DIAPH2: variants seen among roughly 807,000 people sequenced by gnomAD.
DIAPH2 encodes the protein protein diaphanous homolog 2.
A neutral mutation model predicts 92.7 loss-of-function variants in DIAPH2; 35 were observed. The observed-to-expected ratio is 0.38, with a 90% CI of 0.29 to 0.50. The LOEUF (loss-of-function observed/expected upper bound fraction) is 0.50, where lower values mean the gene tolerates loss of function less well. Among genes scored for constraint, DIAPH2 ranks in the 20% least tolerant of loss-of-function variants. DIAPH2 has a pLI of 0.94. For missense variants in DIAPH2, 701 were observed against 819.5 expected (o/e 0.86, Z 1.77); for synonymous variants, 301 against 280.4 (o/e 1.07, Z -0.73).
At chrX:97,575,069 A>G (rs2071392785) in intron 26 of DIAPH2, among the ~76,000 whole-genome samples, 2 of 112,712 alleles carry the variant, frequency 1.8e-5, no homozygotes, top group Admixed American at 1.9e-4. Context: ...GGATTCTCGG[A>G]TGATTTATTG....
intron 1 of DIAPH2, among the ~76,000 whole-genome samples, chrX:96,720,065 C>T (rs1305979128): frequency 9.0e-6 from 1 of 111,613 alleles, no homozygotes; most frequent in Admixed American, 9.5e-5. Flanking sequence ...ATTGCTTACT[C>T]AATAATTATC....
intron 5 of DIAPH2, among the ~76,000 whole-genome samples, chrX:96,910,841 T>C (rs2057331186): frequency 9.0e-6 from 1 of 111,121 alleles, no homozygotes; most frequent in Non-Finnish European, 1.9e-5. Flanking sequence ...GCAAGAATCA[T>C]TATGATTATG....
At chrX:96,713,020 C>T (rs185765535) in intron 1 of DIAPH2, among the ~76,000 whole-genome samples, 1 of 110,887 alleles carries the variant, frequency 9.0e-6, no homozygotes, top group African/African-American at 3.3e-5. Flanking sequence ...ATTGGTCTGG[C>T]TATCTACTAT....
chrX:97,348,431 G>A (rs2069177915), intron 24 of DIAPH2, 151 bp downstream of exon 24: 2 of 485,375 alleles, frequency 4.1e-6, no homozygotes, highest in Non-Finnish European at 6.4e-6. Context: ...CCTGTGACAT[G>A]GATAAAAATT....
rs763023879 is a variant in DIAPH2, at chrX:96,714,224, G to GTATTGTT, written c.133-21529_133-21528insTTTATTG. On this transcript the variant is annotated intron_variant, in intron 1 of 26. Transcript: ENST00000324765. ...GCCATTATATGCATTCATGGCACATGTATTGCTTCTTTATAGCACGTATCA... is the reference window on the plus strand; with the variant it reads ...GCCATTATATGCATTCATGGCACATGTATTGTTTATTGCTTCTTTATAGCACGTATCA... Among the ~76,000 whole-genome samples the GTATTGTT allele has an allele frequency of 1.1e-4, 12 of 105,416 alleles. No homozygotes were observed. The South Asian group carries it at 1.3e-3, about 11-fold the overall frequency. The allele number at this position is 105,416 out of a possible 115,157, so 91.5% of individuals were successfully genotyped here. A position where few individuals can be genotyped will look rare whatever the true frequency, so the allele number is the denominator to read the frequency against.
chrX:97,561,423 T>A (rs767087804), intron 26 of DIAPH2, among the ~76,000 whole-genome samples: 1 of 112,476 alleles, frequency 8.9e-6, no homozygotes, highest in Non-Finnish European at 1.9e-5. Flanking sequence ...TTTTCAGTTG[T>A]TGGCTTTTCT....
chrX:96,966,175 A>C (rs1355544298), intron 17 of DIAPH2, among the ~76,000 whole-genome samples: 3 of 111,642 alleles, frequency 2.7e-5, no homozygotes, highest in Non-Finnish European at 5.7e-5. Context: ...GTTCATATGC[A>C]CACACAAATC....
At position 97,075,133 on chromosome X, in the gene DIAPH2, G is replaced by A. The variant is rs369276416; in HGVS notation, c.2153-34G>A. The A allele has an allele frequency of 6.2e-6, 6 of 968,268 alleles. No individual in the cohort carries two copies. The African/African-American group carries it at 7.8e-5, about 13-fold the overall frequency. 79.8% of individuals were successfully genotyped at this position (968,268 alleles called of 1,213,427 possible). On this transcript the variant is annotated intron_variant, in intron 18 of 26. Transcript: ENST00000324765. The stretch of plus-strand genomic sequence containing the variant: ...ATTAGGACTTTAACATGTTGATGCT[G>A]TTATACTTTTAATAAAATCAAATTT...
intron 17 of DIAPH2, among the ~76,000 whole-genome samples, chrX:96,979,846 G>A (rs1317786831): frequency 1.8e-5 from 2 of 111,863 alleles, no homozygotes; most frequent in Admixed American, 1.9e-4. Context: ...GGCGGAAACT[G>A]GAATGAGGGC....
At chrX:97,428,256 G>A (rs375737087) in intron 25 of DIAPH2, among the ~76,000 whole-genome samples, 6 of 111,904 alleles carry the variant, frequency 5.4e-5, no homozygotes, top group East Asian at 2.8e-4. Flanking sequence ...TCAGCTGGGC[G>A]CAGTGGCTCA....
intron 24 of DIAPH2, among the ~76,000 whole-genome samples, chrX:97,360,607 G>A (rs2069316082): frequency 8.9e-6 from 1 of 111,776 alleles, no homozygotes; most frequent in Admixed American, 9.5e-5. Context: ...CCAGGCGACA[G>A]AGCAAGACTT....
chrX:97,464,276 A>C (rs1435031899), intron 26 of DIAPH2, among the ~76,000 whole-genome samples: 10 of 89,353 alleles, frequency 1.1e-4, no homozygotes, highest in Admixed American at 4.0e-4. Flanking sequence ...CCTGGCTAAC[A>C]CGGTGAAACC....
Position 96,799,763 on chromosome X carries a change from G to A in DIAPH2, c.447+41505G>A, listed in dbSNP as rs529288451. 7.2e-5 allele frequency among the ~76,000 whole-genome samples: 8 copies of A among 110,570 alleles called. No individual in the cohort carries two copies. The South Asian group carries it at 2.7e-3, about 37-fold the overall frequency. On this transcript the variant is annotated intron_variant, in intron 4 of 26. Transcript: ENST00000324765. ...GCAGAGGTTGCAGTGAGCTGAGATTGCGCCATTGCACTCCAGCCTGGGTGA... is the reference window on the plus strand; with the variant it reads ...GCAGAGGTTGCAGTGAGCTGAGATTACGCCATTGCACTCCAGCCTGGGTGA...
At chrX:97,198,004 TAGAC>T (rs1213924056) in intron 22 of DIAPH2, among the ~76,000 whole-genome samples, 1 of 111,178 alleles carries the variant, frequency 9.0e-6, no homozygotes, top group Non-Finnish European at 1.9e-5. Flanking sequence ...TTGCATCACT[TAGAC>T]AGCTTTATAG....
chrX:97,202,876 A>G (rs1438568087), intron 22 of DIAPH2, among the ~76,000 whole-genome samples: 1 of 112,255 alleles, frequency 8.9e-6, no homozygotes, highest in East Asian at 2.8e-4. Flanking sequence ...TCAACAGAAT[A>G]TACATTCTTC....
At chrX:97,482,907 G>GA (rs1305252254) in intron 26 of DIAPH2, among the ~76,000 whole-genome samples, 1 of 111,426 alleles carries the variant, frequency 9.0e-6, no homozygotes, top group Non-Finnish European at 1.9e-5. Flanking sequence ...TTTAAGAGCA[G>GA]AAAAACATGC....
intron 23 of DIAPH2, among the ~76,000 whole-genome samples, chrX:97,330,085 T>TTTTG (rs1556027878): frequency 1.1e-4 from 10 of 94,885 alleles, no homozygotes; most frequent in Non-Finnish European, 1.7e-4. Context: ...GATTTGGTGT[T>TTTTG]TGTGTGTGTG....
intron 17 of DIAPH2, among the ~76,000 whole-genome samples, chrX:97,050,642 A>G (rs1164751355): frequency 9.1e-6 from 1 of 110,461 alleles, no homozygotes; most frequent in East Asian, 2.8e-4. Flanking sequence ...TTAAGGGAAC[A>G]GAAGAACTTT....
chrX:97,453,075 T>A (rs1031751347), intron 26 of DIAPH2, among the ~76,000 whole-genome samples: 10 of 111,512 alleles, frequency 9.0e-5, no homozygotes, highest in Non-Finnish European at 1.1e-4. Flanking sequence ...ACCTTTACAT[T>A]TTGTTTTTTT....
Sources: gnomAD v4.1 joint callset for allele counts (sites outside exome capture counted in the v4.1 genomes callset) on GRCh38, gnomAD v4.1.1 for gene constraint, MANE v1.5 for transcripts, NCBI Gene and HGNC (gene_info 2026-07-23, HGNC 2026-07-21) for gene names.